Variants in ANO8 observed in about 807,000 individuals in gnomAD.
ANO8 encodes the protein anoctamin-8.
In ANO8, 67 loss-of-function variants were observed where a neutral mutation model predicts 120.4. The observed-to-expected ratio is 0.56, with a 90% CI of 0.46 to 0.68. The LOEUF (loss-of-function observed/expected upper bound fraction) is 0.68. Ranked by LOEUF, ANO8 falls within the 30% of genes least tolerant of loss-of-function variation. The pLI is 0.00. For missense variants in ANO8, 1,526 were observed against 1,737.6 expected (o/e 0.88, Z 2.16); for synonymous variants, 727 against 759.2 (o/e 0.96, Z 0.70).
chr19:17,332,806 C>T, intron 5 of ANO8, 124 bp downstream of exon 5: 2 of 1,078,902 alleles, frequency 1.9e-6, no homozygotes, highest in South Asian at 2.8e-5. Flanking sequence ...TCATTGGTTT[C>T]CTAACTCTTT....
chr19:17,328,160 A>G lies in ANO8; in HGVS notation c.2226+2T>C. 1 of 1,383,010 alleles carries G rather than the reference A, an allele frequency of 7.2e-7. No homozygotes were observed. 85.7% of individuals were successfully genotyped at this position (1,383,010 alleles called of 1,614,324 possible). ...CCCTGCGAGGCCCCGCCCCCTCCTCACCTCGTACTTCTTCATACAGCTCTC... is the reference window on the plus strand; with the variant it reads ...CCCTGCGAGGCCCCGCCCCCTCCTCGCCTCGTACTTCTTCATACAGCTCTC... On this transcript the variant is annotated splice_donor_variant, in intron 13 of 17. Transcript: ENST00000159087. LOFTEE classifies it high-confidence loss of function.
chr19:17,329,364 G>A (rs955033506), intron 12 of ANO8: 12 of 348,642 alleles, frequency 3.4e-5, no homozygotes, highest in African/African-American at 2.0e-4. Flanking sequence ...GCACAGCCAC[G>A]CTGCCCACCC....
rs900934423 is a variant in ANO8, at chr19:17,328,493, C to A, written c.1895G>T (p.Ser632Ile). Residue 632 changes from serine to isoleucine, a missense_variant, in exon 13 of 18, where the codon AGC (serine) becomes ATC (isoleucine). Transcript: ENST00000159087. ...RGAGRRRPGP[S>I]PEALLEEGSP... Reference sequence around the variant, plus strand: ...CCCTTCCTCCAGGAGGGCCTCCGGGCTTGGGCCGGGCCGACGCCGCCCCGC... The same window carrying A: ...CCCTTCCTCCAGGAGGGCCTCCGGGATTGGGCCGGGCCGACGCCGCCCCGC... The A allele has an allele frequency of 9.0e-6, 14 of 1,558,718 alleles. No individual in the cohort carries two copies. The Admixed American group carries it at 1.3e-4, about 15-fold the overall frequency.
rs771799335 is a variant in ANO8 at position 17,333,851 on chromosome 19, C to T, written c.107-51G>A. 1.3e-5 allele frequency: 19 copies of T among 1,486,264 alleles called. No individual in the cohort carries two copies. The highest frequency in any genetic ancestry group is 1.8e-6 in the Non-Finnish European group (2 of 1,089,996). The allele number at this position is 1,486,264 out of a possible 1,614,324, so 92.1% of individuals were successfully genotyped here. ...GTCAGGCCACTCTGGGATCCGGACCCGGCCTCCAGTCTTGGCTCCTCCTGC... is the reference window on the plus strand; with the variant it reads ...GTCAGGCCACTCTGGGATCCGGACCTGGCCTCCAGTCTTGGCTCCTCCTGC... On this transcript the variant is annotated intron_variant, in intron 1 of 17. Transcript: ENST00000159087. This position sits in a 1 kb window ranked among gnomAD's most constrained non-coding sequence, Gnocchi z 7.2.
Position 17,323,553 on chromosome 19 carries a change from GC to G in ANO8, c.3662del (p.Ser1221ThrfsTer98). The G allele has an allele frequency of 7.7e-7, 1 of 1,292,438 alleles. No individual in the cohort carries two copies. Among genetic ancestry groups the G allele is most frequent in the Non-Finnish European group, 9.8e-7 (1 of 1,019,302 alleles). The allele number at this position is 1,292,438 out of a possible 1,614,324, so 80.1% of individuals were successfully genotyped here. ...TPAPSPSPSPSPQAVCWPSGW... is the reference protein window; with the variant it reads ...TPAPSPSPSPXPQAVCWPSGW... ...CGCTGGGCCAGCACACGGCCTGGGG[GC>G]TGGGGCTGGGGCTAGGGGAGGGCGC... On this transcript the variant is annotated frameshift_variant, in exon 18 of 18. Transcript: ENST00000159087. LOFTEE classifies it high-confidence loss of function.
At chr19:17,329,724 CA>C in intron 12 of ANO8, 32 bp downstream of exon 12, 1 of 1,586,514 alleles carries the variant, frequency 6.3e-7, no homozygotes. Context: ...GCCATGGGGG[CA>C]GGGGGGACTG....
intron 12 of ANO8, 31 bp from the exon 13 acceptor site, chr19:17,329,014 C>T: frequency 4.2e-6 from 6 of 1,417,436 alleles, no homozygotes; most frequent in Non-Finnish European, 5.5e-6. Context: ...GAGAGAGGCG[C>T]GTGGGGGGCA....
chr19:17,334,832 C>A lies in ANO8; in HGVS notation c.-162G>T. The A allele has an allele frequency of 7.8e-7, 1 of 1,278,142 alleles. No individual in the cohort carries two copies. Among genetic ancestry groups the A allele is most frequent in the Non-Finnish European group, 1.0e-6 (1 of 962,406 alleles). The allele number at this position is 1,278,142 out of a possible 1,614,324, so 79.2% of individuals were successfully genotyped here. ...GCTCGCCCGAGCGCTGCTTCTCGTC[C>A]CCGCCCGAGCCGAACCTCGATTCTC... On this transcript the variant is annotated 5_prime_UTR_variant, in exon 1 of 18. Coordinates refer to ENST00000159087, the MANE Select transcript of ANO8 (RefSeq NM_020959.3).
In ANO8 at chr19:17,323,275, CAAAAT is replaced by C. The variant is rs1167363638; in HGVS notation, c.*237_*241del. The C allele has an allele frequency of 1.0e-5, 3 of 300,426 alleles. No individual in the cohort carries two copies. The highest frequency in any genetic ancestry group is 2.2e-5 in the African/African-American group (1 of 45,456). 18.6% of individuals were successfully genotyped at this position (300,426 alleles called of 1,614,324 possible). On this transcript the variant is annotated 3_prime_UTR_variant, in exon 18 of 18. Transcript: ENST00000159087. ...TTTCTGCCGTTTTACAAAAATATGA[CAAAAT>C]AAATTAAAAACAAATAAATAATCGC... is the stretch of plus-strand genomic sequence containing the variant.
rs1303344216 is a variant in ANO8, at chr19:17,324,952, TG to T, written c.3095del (p.Ser1032TyrfsTer287). 6.2e-7 allele frequency: 1 copy of T among 1,612,580 alleles called. No individual in the cohort carries two copies. Among genetic ancestry groups the T allele is most frequent in the Admixed American group, 1.7e-5 (1 of 59,972 alleles). Reference sequence around the variant, plus strand: ...GCTCAGAGTCCCGCCGGGTCTCGGGTGACTTGAGGAACTTGAAGCTGAGGAA... The same window carrying T: ...GCTCAGAGTCCCGCCGGGTCTCGGGTACTTGAGGAACTTGAAGCTGAGGAA... ...PAFLSFKFLKSPETRRDSERS... is the reference protein window; with the variant it reads ...PAFLSFKFLKXPETRRDSERS... On this transcript the variant is annotated frameshift_variant, in exon 17 of 18. Coordinates refer to ENST00000159087, the MANE Select transcript of ANO8 (RefSeq NM_020959.3). LOFTEE classifies it high-confidence loss of function.
chr19:17,331,017 ATTGT>A (rs750342972), intron 7 of ANO8, 28 bp from the exon 8 acceptor site: 28 of 1,613,896 alleles, frequency 1.7e-5, no homozygotes, highest in African/African-American at 5.3e-5. Context: ...GAGTTGAGTC[ATTGT>A]TTGTGCCAGT....
Position 17,323,575 on chromosome 19 carries a change from GGC to G in ANO8, c.3639_3640del (p.Pro1214LeufsTer3), listed in dbSNP as rs763084675. 399 of 1,288,282 alleles carry G rather than the reference GGC, an allele frequency of 3.1e-4. No homozygotes were observed. The highest frequency in any genetic ancestry group is 3.7e-4 in the Non-Finnish European group (371 of 1,015,560). The allele number at this position is 1,288,282 out of a possible 1,614,324, so 79.8% of individuals were successfully genotyped here. A position where few individuals can be genotyped will look rare whatever the true frequency, so the allele number is the denominator to read the frequency against. On this transcript the variant is annotated frameshift_variant, in exon 18 of 18. Coordinates refer to ENST00000159087, the MANE Select transcript of ANO8 (RefSeq NM_020959.3). LOFTEE classifies it high-confidence loss of function. Reference sequence around the variant, plus strand: ...GGGGCTGGGGCTGGGGCTAGGGGAGGGCGCTGGGGTCTCGAGGGGATCCGAGG... The same window carrying G: ...GGGGCTGGGGCTGGGGCTAGGGGAGGGCTGGGGTCTCGAGGGGATCCGAGG...
chr19:17,330,321 G>C (rs774163150), intron 9 of ANO8, 31 bp downstream of exon 9: 4 of 1,611,220 alleles, frequency 2.5e-6, no homozygotes, highest in South Asian at 2.2e-5. Context: ...TAGGTACCAA[G>C]GACAGGGCGG....
chr19:17,325,107 T>C lies in ANO8; in HGVS notation c.2941A>G (p.Ile981Val), dbSNP rs2074265148. The change falls in exon 17 of 18, where the codon ATC becomes GTC. Residue 981 changes from isoleucine to valine, a missense_variant. Coordinates refer to ENST00000159087, the MANE Select transcript of ANO8 (RefSeq NM_020959.3). ...AGGAATTTGCCCTGCAGTGGGATGA[T>C]CTGCTTCAACTTCATGACGTTGTTG... ...APNNVMKLKQ[I>V]IPLQGKFLSS... 1.2e-6 allele frequency: 2 copies of C among 1,613,550 alleles called. No homozygotes were observed. Among genetic ancestry groups the C allele is most frequent in the Non-Finnish European group, 1.7e-6 (2 of 1,179,944 alleles).
At position 17,328,894 on chromosome 19, in the gene ANO8, G is replaced by T; in HGVS notation, c.1494C>A (p.Gly498=). 2.0e-6 allele frequency: 3 copies of T among 1,503,758 alleles called. No individual in the cohort carries two copies. The highest frequency in any genetic ancestry group is 2.7e-6 in the Non-Finnish European group (3 of 1,129,980). The allele number at this position is 1,503,758 out of a possible 1,614,324, so 93.2% of individuals were successfully genotyped here. The part of the protein sequence containing the change: ...QPHLYRRLGR[G]ELGLRAVWEL... Reference sequence around the variant, plus strand: ...CCCAGACGGCCCGCAGGCCCAGCTCGCCGCGGCCCAGGCGCCGGTACAGGT... The same window carrying T: ...CCCAGACGGCCCGCAGGCCCAGCTCTCCGCGGCCCAGGCGCCGGTACAGGT... The change falls in exon 13 of 18, where the codon GGC becomes GGA. Residue 498 remains glycine, a synonymous_variant. Coordinates refer to ENST00000159087, the MANE Select transcript of ANO8 (RefSeq NM_020959.3).
Position 17,328,322 on chromosome 19 carries a change from T to C in ANO8, c.2066A>G (p.Gln689Arg). ...FRRAGGEGRD[Q>R]GPDGGPDPEP... The stretch of plus-strand genomic sequence containing the variant: ...CGGGTCCGGGCCCCCGTCGGGCCCC[T>C]GGTCTCGGCCCTCGCCCCCGGCCCG... The change falls in exon 13 of 18, where the codon CAG (glutamine) becomes CGG (arginine). Residue 689 changes from glutamine to arginine, a missense_variant. Around this residue, in one of 8 missense-constraint regions of ANO8, gnomAD observed 467 missense variants for 425.8 expected, o/e 1.10. Coordinates refer to ENST00000159087, the MANE Select transcript of ANO8 (RefSeq NM_020959.3). 1 of 1,594,062 alleles carries C rather than the reference T, an allele frequency of 6.3e-7. No individual in the cohort carries two copies. The highest frequency in any genetic ancestry group is 1.7e-5 in the Admixed American group (1 of 57,758).
chr19:17,332,325 A>G (rs2074325531), intron 5 of ANO8, among the ~76,000 whole-genome samples: 1 of 152,128 alleles, frequency 6.6e-6, no homozygotes, highest in African/African-American at 2.4e-5. Flanking sequence ...ACCATGGCTC[A>G]CTGCAACCTC....
chr19:17,328,463 G>T lies in ANO8; in HGVS notation c.1925C>A (p.Pro642His). 1 of 1,575,640 alleles carries T rather than the reference G, an allele frequency of 6.3e-7. No homozygotes were observed. The highest frequency in any genetic ancestry group is 8.6e-7 in the Non-Finnish European group (1 of 1,165,878). ...CTCCAGCCCCTTCTCCACCATAGTG[G>T]GGCTCCCTTCCTCCAGGAGGGCCTC... ...SPEALLEEGS[P>H]TMVEKGLEPG... Residue 642 changes from proline (P) to histidine (H), a missense_variant, in exon 13 of 18, where the codon CCC (proline) becomes CAC (histidine). Physicochemically the swap from Pro to His is moderately conservative, Grantham distance 77. Coordinates refer to ENST00000159087, the MANE Select transcript of ANO8 (RefSeq NM_020959.3).
rs759844321 is a variant in ANO8 at position 17,328,359 on chromosome 19, T to A, written c.2029A>T (p.Ile677Phe). ...PGSPEREPPA[I>F]LFRRAGGEGR... ...TCGCCCCCGGCCCGGCGGAACAAGA[T>A]GGCCGGGGGCTCCCGTTCAGGGCTG... The change falls in exon 13 of 18, where the codon ATC becomes TTC. Residue 677 changes from isoleucine (I) to phenylalanine (F), a missense_variant. Ile to Phe is a conservative substitution (Grantham distance 21, BLOSUM62 0). Transcript: ENST00000159087. 4.4e-6 allele frequency: 7 copies of A among 1,575,476 alleles called. No homozygotes were observed. The African/African-American group carries it at 8.1e-5, about 18-fold the overall frequency.
Sources: gnomAD v4.1 joint callset for allele counts (sites outside exome capture counted in the v4.1 genomes callset) on GRCh38, gnomAD v4.1.1 for gene constraint, gnomAD v4.1.1 regional missense constraint, Gnocchi (gnomAD v3.1) non-coding constraint, MANE v1.5 for transcripts, NCBI Gene and HGNC (gene_info 2026-07-23, HGNC 2026-07-21) for gene names.